SCRG1: variants seen among roughly 807,000 people sequenced by gnomAD.
SCRG1 encodes the protein stimulator of chondrogenesis 1.
SCRG1 carries 3 observed loss-of-function variants against 7.7 expected under a neutral mutation model. That is an observed-to-expected ratio of 0.39 (90% CI 0.18 to 1.01). The LOEUF (loss-of-function observed/expected upper bound fraction) is 1.01, where lower values mean the gene tolerates loss of function less well. SCRG1 is among the 50% of genes least tolerant of loss of function. SCRG1 has a pLI of 0.36. For synonymous variants in SCRG1, 46 were observed against 41.2 expected (o/e 1.12, Z -0.44); for missense variants, 110 against 117.2 (o/e 0.94, Z 0.28).
At chr4:173,455,514 A>T in the SCRG1 span, among the ~76,000 whole-genome samples, 1 of 152,134 alleles carries the variant, frequency 6.6e-6, no homozygotes, top group Non-Finnish European at 1.5e-5. Context: ...GTTGGGAACC[A>T]CAGCACTTGG....
the SCRG1 span, among the ~76,000 whole-genome samples, chr4:173,453,849 G>A: frequency 2.0e-5 from 3 of 152,158 alleles, no homozygotes; most frequent in African/African-American, 7.2e-5. Context: ...AGCTGAGGCG[G>A]GTGGATCACT....
chr4:173,424,062 G>A, the SCRG1 span, among the ~76,000 whole-genome samples: 3 of 152,142 alleles, frequency 2.0e-5, no homozygotes, highest in Non-Finnish European at 4.4e-5. Context: ...GTCTCTTAAA[G>A]GTCCCACTTG....
At chr4:173,446,507 G>C in the SCRG1 span, 1 of 152,156 alleles carries the variant, frequency 6.6e-6, no homozygotes, top group Non-Finnish European at 1.5e-5. Flanking sequence ...TGGTTTTGGA[G>C]GAGGAGTTGG....
chr4:173,479,647 C>G, the SCRG1 span, among the ~76,000 whole-genome samples: 1 of 151,620 alleles, frequency 6.6e-6, no homozygotes, highest in Non-Finnish European at 1.5e-5. Context: ...CACCATGTTA[C>G]TCAGGCTGGT....
chr4:173,419,696 AAC>A, the SCRG1 span: 2 of 863,462 alleles, frequency 2.3e-6, no homozygotes. Flanking sequence ...CGGGGCACCA[AAC>A]ACTTTATTGC....
At chr4:173,503,103 G>A in the SCRG1 span, among the ~76,000 whole-genome samples, 2 of 152,148 alleles carry the variant, frequency 1.3e-5, no homozygotes, top group Non-Finnish European at 2.9e-5. This position sits in a 1 kb window ranked among gnomAD's most constrained non-coding sequence, Gnocchi z 6.4. Flanking sequence ...CCCTGGGTAC[G>A]TCCCAGGGCT....
the SCRG1 span, among the ~76,000 whole-genome samples, chr4:173,415,273 G>A: frequency 6.6e-6 from 1 of 152,196 alleles, no homozygotes; most frequent in Non-Finnish European, 1.5e-5. Flanking sequence ...GCCCTTAGGG[G>A]CTGTGGCTAA....
chr4:173,480,085 T>C, the SCRG1 span, among the ~76,000 whole-genome samples: 1 of 151,462 alleles, frequency 6.6e-6, no homozygotes, highest in African/African-American at 2.4e-5. Flanking sequence ...GATCCTCTCA[T>C]CTCAGTTTCT....
the SCRG1 span, among the ~76,000 whole-genome samples, chr4:173,477,627 G>A: frequency 6.6e-6 from 1 of 152,116 alleles, no homozygotes; most frequent in African/African-American, 2.4e-5. Context: ...CTACTGGTGT[G>A]AGATATTTCA....
the SCRG1 span, among the ~76,000 whole-genome samples, chr4:173,461,368 G>C: frequency 6.6e-6 from 1 of 152,236 alleles, no homozygotes; most frequent in Admixed American, 6.5e-5. Context: ...TCAGAACAGA[G>C]AGACTCTGTA....
the SCRG1 span, among the ~76,000 whole-genome samples, chr4:173,493,038 C>T: frequency 3.9e-5 from 6 of 152,246 alleles, no homozygotes; most frequent in Admixed American, 2.0e-4. Flanking sequence ...AGTGCCTCTC[C>T]CTGGGAATCT....
the SCRG1 span, among the ~76,000 whole-genome samples, chr4:173,441,058 TG>T: frequency 2.0e-5 from 3 of 151,056 alleles, no homozygotes; most frequent in Admixed American, 6.6e-5. Flanking sequence ...TGGGGGTGGG[TG>T]GGGGGACTAT....
chr4:173,396,387 T>C (rs1739603710), intron 1 of SCRG1, among the ~76,000 whole-genome samples: 1 of 152,148 alleles, frequency 6.6e-6, no homozygotes, highest in Non-Finnish European at 1.5e-5. Flanking sequence ...CCAGAAGAGA[T>C]GAGGCAAAGG....
the SCRG1 span, among the ~76,000 whole-genome samples, chr4:173,481,378 C>T: frequency 6.6e-6 from 1 of 152,126 alleles, no homozygotes; most frequent in Non-Finnish European, 1.5e-5. Context: ...ATAGTGAGTA[C>T]CAATAAGTAA....
the SCRG1 span, chr4:173,468,987 A>C: frequency 6.6e-6 from 1 of 152,180 alleles, no homozygotes; most frequent in Non-Finnish European, 1.5e-5. Flanking sequence ...GTATGCTCAA[A>C]AGTAGCCTGA....
the SCRG1 span, among the ~76,000 whole-genome samples, chr4:173,485,004 AATATAAT>A: frequency 0.65 from 6,075 of 9,362 alleles, 1,962 homozygotes; most frequent in Non-Finnish European, 0.71. Flanking sequence ...ATATATTATA[AATATAAT>A]ATATAATATA....
At chr4:173,432,053 A>G in the SCRG1 span, among the ~76,000 whole-genome samples, 2 of 152,220 alleles carry the variant, frequency 1.3e-5, no homozygotes, top group Non-Finnish European at 2.9e-5. Flanking sequence ...CTTAGAGGTA[A>G]AAGCCAGATT....
At chr4:173,464,400 C>T in the SCRG1 span, among the ~76,000 whole-genome samples, 1 of 152,100 alleles carries the variant, frequency 6.6e-6, no homozygotes, top group Non-Finnish European at 1.5e-5. Context: ...GTTGGAAGCA[C>T]CACTAATTGT....
chr4:173,456,483 A>G, the SCRG1 span, among the ~76,000 whole-genome samples: 9 of 152,288 alleles, frequency 5.9e-5, no homozygotes, highest in African/African-American at 2.2e-4. Context: ...TTAGCATTTC[A>G]TTTGGTTGTC....
Sources: gnomAD v4.1 joint callset for allele counts (sites outside exome capture counted in the v4.1 genomes callset) on GRCh38, gnomAD v4.1.1 for gene constraint, Gnocchi (gnomAD v3.1) non-coding constraint, MANE v1.5 for transcripts, NCBI Gene and HGNC (gene_info 2026-07-23, HGNC 2026-07-21) for gene names.